The following CYRIB variants were observed in gnomAD, a reference collection of about 807,000 sequenced individuals.
CYRIB encodes the protein CYFIP-related Rac1 interactor B.
In CYRIB, 8 loss-of-function variants were observed where a neutral mutation model predicts 44.2. The ratio of observed to expected loss-of-function variants is 0.18; its 90% CI spans 0.11 to 0.33. CYRIB has a LOEUF of 0.33. CYRIB is among the 10% of genes least tolerant of loss of function. The pLI, the probability that CYRIB is intolerant of heterozygous loss-of-function variation, is 1.00. For synonymous variants in CYRIB, 131 were observed against 127.2 expected (o/e 1.03, Z -0.20); for missense variants, 185 against 382.8 (o/e 0.48, Z 4.31).
chr8:129,861,845 T>A (rs2049853317), intron 5 of CYRIB, among the ~76,000 whole-genome samples: 1 of 152,096 alleles, frequency 6.6e-6, no homozygotes, highest in Non-Finnish European at 1.5e-5. Flanking sequence ...TGCTAAAGGG[T>A]CCTATTATGA....
intron 1 of CYRIB, among the ~76,000 whole-genome samples, chr8:129,939,347 G>A (rs982505730): frequency 3.3e-5 from 5 of 151,676 alleles, no homozygotes; most frequent in Non-Finnish European, 7.4e-5. Flanking sequence ...CGCGCGTGGA[G>A]GTGCCAATGG....
chr8:129,880,365 A>C, intron 2 of CYRIB: 1 of 985,532 alleles, frequency 1.0e-6, no homozygotes, highest in Non-Finnish European at 1.2e-6. Flanking sequence ...TGAAGGGCTA[A>C]AGAGACTTAC....
intron 6 of CYRIB, among the ~76,000 whole-genome samples, 181 bp from the exon 9 acceptor site, chr8:129,854,524 A>C (rs2045101270): frequency 1.3e-5 from 2 of 152,242 alleles, no homozygotes; most frequent in Non-Finnish European, 2.9e-5. Flanking sequence ...TACTGAACAT[A>C]TAAAACGAAA....
intron 2 of CYRIB, among the ~76,000 whole-genome samples, chr8:129,889,463 A>G (rs1477011950): frequency 6.6e-6 from 1 of 152,200 alleles, no homozygotes; most frequent in Admixed American, 6.5e-5. Context: ...ATAGATATGG[A>G]TTCTTCTGAT....
chr8:129,861,002 T>C (rs1372532900), intron 5 of CYRIB, among the ~76,000 whole-genome samples: 1 of 152,216 alleles, frequency 6.6e-6, no homozygotes, highest in Non-Finnish European at 1.5e-5. Flanking sequence ...TTGACTTCAG[T>C]CTTACAGTAT....
At chr8:129,904,838 T>A (rs904055596) in intron 1 of CYRIB, among the ~76,000 whole-genome samples, 2 of 152,216 alleles carry the variant, frequency 1.3e-5, no homozygotes, top group Admixed American at 1.3e-4. Context: ...TACTACTTCA[T>A]ATTGAAGAGA....
intron 11 of CYRIB, among the ~76,000 whole-genome samples, chr8:129,845,565 C>G (rs1040843295): frequency 5.3e-5 from 8 of 152,236 alleles, no homozygotes; most frequent in African/African-American, 1.9e-4. Context: ...CACCTTTATT[C>G]AGGCAGCTAC....
chr8:129,938,880 C>T (rs1590569211), intron 1 of CYRIB, among the ~76,000 whole-genome samples: 1 of 152,160 alleles, frequency 6.6e-6, no homozygotes, highest in Non-Finnish European at 1.5e-5. Context: ...CACACACACA[C>T]AGCAATTGCC....
intron 1 of CYRIB, among the ~76,000 whole-genome samples, chr8:129,931,343 G>C (rs2091268830): frequency 6.6e-6 from 1 of 152,132 alleles, no homozygotes; most frequent in African/African-American, 2.4e-5. Flanking sequence ...TATAAAGAAA[G>C]CAAACTAATC....
chr8:129,842,510 A>G (rs937666278), intron 11 of CYRIB, among the ~76,000 whole-genome samples: 1 of 152,220 alleles, frequency 6.6e-6, no homozygotes, highest in African/African-American at 2.4e-5. Flanking sequence ...ATGCTGTTCT[A>G]TCCCAGAGGC....
chr8:129,947,521 G>A (rs2094233242), intron 2 of CYRIB, among the ~76,000 whole-genome samples: 1 of 152,106 alleles, frequency 6.6e-6, no homozygotes, highest in African/African-American at 2.4e-5. Context: ...TGGCCCCTAG[G>A]AGAGCCTCCC....
intron 2 of CYRIB, among the ~76,000 whole-genome samples, chr8:129,883,194 A>AT (rs1385110624): frequency 6.7e-6 from 1 of 150,162 alleles, no homozygotes; most frequent in Non-Finnish European, 1.5e-5. Flanking sequence ...CACTACTAAC[A>AT]TTTTGGGCTG....
At chr8:129,951,884 T>C (rs573475532) in intron 2 of CYRIB, among the ~76,000 whole-genome samples, 1 of 152,346 alleles carries the variant, frequency 6.6e-6, no homozygotes, top group South Asian at 2.1e-4. Context: ...AGTAGGCATT[T>C]ATGGCTGGTC....
chr8:129,932,118 C>A (rs893735735), intron 1 of CYRIB, among the ~76,000 whole-genome samples: 3 of 151,630 alleles, frequency 2.0e-5, no homozygotes, highest in African/African-American at 7.3e-5. Context: ...CCTGCCTCAG[C>A]CTCCTGAGTA....
chr8:129,856,600 A>C (rs762329453), intron 5 of CYRIB, among the ~76,000 whole-genome samples: 19 of 152,152 alleles, frequency 1.2e-4, no homozygotes, highest in Non-Finnish European at 8.8e-5. Flanking sequence ...TCAGATTAAC[A>C]AACAAATATT....
intron 11 of CYRIB, among the ~76,000 whole-genome samples, chr8:129,846,025 G>A (rs1018244107): frequency 3.3e-5 from 5 of 152,040 alleles, no homozygotes; most frequent in South Asian, 2.1e-4. Flanking sequence ...CCAGCTACTC[G>A]GGAGGCTGAG....
intron 1 of CYRIB, among the ~76,000 whole-genome samples, chr8:129,925,921 AC>A (rs2087417493): frequency 6.6e-6 from 1 of 152,202 alleles, no homozygotes; most frequent in African/African-American, 2.4e-5. Context: ...GGGTTAAAAA[AC>A]GTTTCCAATT....
chr8:129,932,636 A>G (rs1193380722), intron 1 of CYRIB, among the ~76,000 whole-genome samples: 1 of 152,200 alleles, frequency 6.6e-6, no homozygotes, highest in African/African-American at 2.4e-5. Context: ...CATGTCTTCT[A>G]CCAGATTCCA....
intron 2 of CYRIB, 102 bp downstream of exon 4, chr8:129,903,210 A>G (rs553047870): frequency 6.6e-6 from 1 of 152,634 alleles, no homozygotes; most frequent in African/African-American, 2.4e-5. Flanking sequence ...TATTGTGTAT[A>G]GAACATTTCC....
Sources: allele counts gnomAD v4.1 joint callset (sites outside exome capture counted in the v4.1 genomes callset), GRCh38; gene constraint gnomAD v4.1.1; transcripts MANE v1.5; gene names NCBI Gene and HGNC (gene_info 2026-07-23, HGNC 2026-07-21).